PLCB1: variants seen among roughly 807,000 people sequenced by gnomAD.
PLCB1 encodes phospholipase C beta 1.
A neutral mutation model predicts 161.8 loss-of-function variants in PLCB1; 46 were observed. The ratio of observed to expected loss-of-function variants is 0.28; its 90% CI spans 0.22 to 0.36. PLCB1 has a LOEUF of 0.36. Among genes scored for constraint, PLCB1 ranks in the 10% least tolerant of loss-of-function variants. The pLI, the probability that PLCB1 is intolerant of heterozygous loss-of-function variation, is 1.00. For missense variants in PLCB1, 1,016 were observed against 1,472.5 expected, an observed-to-expected ratio of 0.69 and a Z score of 5.07; for synonymous variants, 517 against 503.7, an observed-to-expected ratio of 1.03 and a Z score of -0.35.
At chr20:8,627,092 A>C (rs1004545699) in intron 3 of PLCB1, among the ~76,000 whole-genome samples, 1 of 152,124 alleles carries the variant, frequency 6.6e-6, no homozygotes, top group Non-Finnish European at 1.5e-5. Flanking sequence ...TTGTTAGTGA[A>C]AGTGAGATTT....
In PLCB1 at chr20:8,392,984, C is replaced by T. The variant is rs141250905; in HGVS notation, c.246+21534C>T. On this transcript the variant is annotated intron_variant, in intron 3 of 31. Transcript: ENST00000338037. ...TTGTTAATGATGAAATAAAGTTTTC[C>T]GGAACTCCTGAAATTAATGTCCATA... 1.1e-4 allele frequency among the ~76,000 whole-genome samples: 16 copies of T among 152,046 alleles called. No homozygotes were observed. In the East Asian group the frequency reaches 1.5e-3, roughly 15 times the overall value.
intron 3 of PLCB1, among the ~76,000 whole-genome samples, chr20:8,468,555 C>T (rs1234608493): frequency 6.6e-6 from 1 of 152,106 alleles, no homozygotes; most frequent in Non-Finnish European, 1.5e-5. Flanking sequence ...CACTTACCAT[C>T]ATACCTGCCA....
At position 8,672,401 on chromosome 20, in the gene PLCB1, T is replaced by C. The variant is rs1235131164; in HGVS notation, c.863-12531T>C. ...TCCTTGCACTTTCCTGTTATACTCT[T>C]TTTTTTTTTTTTTTTAGTACTGCAT... On this transcript the variant is annotated intron_variant, in intron 9 of 31. Coordinates refer to ENST00000338037, the MANE Select transcript of PLCB1 (RefSeq NM_015192.4). 3.1e-4 allele frequency among the ~76,000 whole-genome samples: 9 copies of C among 29,216 alleles called. No individual in the cohort carries two copies. The African/African-American group carries it at 6.1e-3, about 20-fold the overall frequency. 19.2% of individuals were successfully genotyped at this position (29,216 alleles called of 152,430 possible).
chr20:8,444,517 A>G (rs1188350177), intron 3 of PLCB1, among the ~76,000 whole-genome samples: 3 of 152,172 alleles, frequency 2.0e-5, no homozygotes. Flanking sequence ...ATACGTGTGC[A>G]TGTGTCTTTA....
At chr20:8,398,158 T>C (rs1039094133) in intron 3 of PLCB1, among the ~76,000 whole-genome samples, 3 of 152,152 alleles carry the variant, frequency 2.0e-5, no homozygotes, top group Non-Finnish European at 4.4e-5. Flanking sequence ...AACTTACCTT[T>C]TTCTTACCTA....
chr20:8,714,480 G>T (rs1979194656), intron 12 of PLCB1, among the ~76,000 whole-genome samples: 1 of 152,160 alleles, frequency 6.6e-6, no homozygotes, highest in South Asian at 2.1e-4. Flanking sequence ...GCCCGGGGCT[G>T]GCCCTACCAA....
intron 2 of PLCB1, among the ~76,000 whole-genome samples, chr20:8,177,788 C>A (rs1397652185): frequency 6.6e-6 from 1 of 152,052 alleles, no homozygotes; most frequent in Non-Finnish European, 1.5e-5. Flanking sequence ...TTTAATCACC[C>A]AGGTAATAAG....
intron 2 of PLCB1, among the ~76,000 whole-genome samples, chr20:8,210,954 A>C (rs935652177): frequency 6.6e-6 from 1 of 152,126 alleles, no homozygotes; most frequent in Non-Finnish European, 1.5e-5. Flanking sequence ...TCCTCCTGGG[A>C]CTATCCCTCA....
At chr20:8,146,003 A>G (rs2051449174) in intron 1 of PLCB1, among the ~76,000 whole-genome samples, 1 of 152,220 alleles carries the variant, frequency 6.6e-6, no homozygotes, top group Admixed American at 6.5e-5. Context: ...GGACAGCACC[A>G]GTATAGGGCA....
chr20:8,520,407 A>G (rs1025556824), intron 3 of PLCB1, among the ~76,000 whole-genome samples: 2 of 152,096 alleles, frequency 1.3e-5, no homozygotes, highest in Admixed American at 1.3e-4. Context: ...TTCATTAACT[A>G]TTTTGCCAGT....
intron 3 of PLCB1, among the ~76,000 whole-genome samples, chr20:8,589,925 G>A (rs764504733): frequency 2.0e-5 from 3 of 151,964 alleles, no homozygotes; most frequent in Non-Finnish European, 4.4e-5. Flanking sequence ...GGCCCTTGTG[G>A]TCTCTTTTAC....
chr20:8,349,574 A>T (rs915019173), intron 2 of PLCB1, among the ~76,000 whole-genome samples: 1 of 152,246 alleles, frequency 6.6e-6, no homozygotes, highest in South Asian at 2.1e-4. Flanking sequence ...AATTGTGTCT[A>T]CAGAGGACAT....
intron 2 of PLCB1, among the ~76,000 whole-genome samples, chr20:8,177,784 C>T (rs1054295876): frequency 2.0e-5 from 3 of 152,078 alleles, no homozygotes; most frequent in African/African-American, 7.2e-5. Flanking sequence ...ATTATTTAAT[C>T]ACCCAGGTAA....
At chr20:8,840,863 C>T (rs556604697) in intron 31 of PLCB1, among the ~76,000 whole-genome samples, 2 of 152,224 alleles carry the variant, frequency 1.3e-5, no homozygotes, top group South Asian at 2.1e-4. Flanking sequence ...TGTCACCCAG[C>T]TGGAGTGCAG....
intron 3 of PLCB1, among the ~76,000 whole-genome samples, chr20:8,588,798 C>G (rs137938241): frequency 1.1e-3 from 160 of 152,280 alleles, no homozygotes; most frequent in Non-Finnish European, 1.4e-3. Context: ...TGTGGCAGCC[C>G]AAGCAAACTC....
intron 1 of PLCB1, among the ~76,000 whole-genome samples, chr20:8,143,372 T>G (rs1029990025): frequency 2.6e-5 from 4 of 152,208 alleles, no homozygotes; most frequent in African/African-American, 9.6e-5. Context: ...CTTGTTTTTA[T>G]TTGCTGCAGT....
At position 8,293,694 on chromosome 20, in the gene PLCB1, A is replaced by T. The variant is rs560624320; in HGVS notation, c.178-77688A>T. ...GCAATAACCTCTTAATATCATTATG[A>T]AATTATTTTGACCTCAGGGACCCTC... On this transcript the variant is annotated intron_variant, in intron 2 of 31. Coordinates refer to ENST00000338037, the MANE Select transcript of PLCB1 (RefSeq NM_015192.4). 2.6e-5 allele frequency among the ~76,000 whole-genome samples: 4 copies of T among 152,210 alleles called. 1 individual carries two copies. Among genetic ancestry groups the T allele is most frequent in the South Asian group, 2.1e-4 (1 of 4,822 alleles).
At chr20:8,200,262 C>T (rs2052079116) in intron 2 of PLCB1, among the ~76,000 whole-genome samples, 1 of 151,862 alleles carries the variant, frequency 6.6e-6, no homozygotes, top group Admixed American at 6.6e-5. Context: ...CTAGAAAATC[C>T]ATTGTTACTC....
At chr20:8,190,632 C>G (rs6055622) in intron 2 of PLCB1, among the ~76,000 whole-genome samples, 42,153 of 151,800 alleles carry the variant, frequency 0.28, 7,100 homozygotes, top group African/African-American at 0.48. Flanking sequence ...CTGGCAACTT[C>G]TGAAATACAT....
Sources: allele counts gnomAD v4.1 joint callset (sites outside exome capture counted in the v4.1 genomes callset), GRCh38; gene constraint gnomAD v4.1.1; transcripts MANE v1.5; gene names NCBI Gene and HGNC (gene_info 2026-07-23, HGNC 2026-07-21).